Variants in ADAD1 observed in about 807,000 individuals in gnomAD.
The protein encoded by ADAD1 is adenosine deaminase domain-containing protein 1.
A neutral mutation model predicts 66.8 loss-of-function variants in ADAD1; 46 were observed. The ratio of observed to expected loss-of-function variants is 0.69; its 90% CI spans 0.54 to 0.88. ADAD1 has a LOEUF of 0.88. ADAD1 is among the 40% of genes least tolerant of loss of function. The pLI, the probability that ADAD1 is intolerant of heterozygous loss-of-function variation, is 0.00. For missense variants in ADAD1, 617 were observed against 681.8 expected, an observed-to-expected ratio of 0.91 and a Z score of 1.06; for synonymous variants, 248 against 229.4, an observed-to-expected ratio of 1.08 and a Z score of -0.73.
At chr4:122,418,306 CTTTTTTTT>C (rs10527795) in intron 11 of ADAD1, among the ~76,000 whole-genome samples, 3 of 94,654 alleles carry the variant, frequency 3.2e-5, no homozygotes, top group Admixed American at 1.4e-4. Flanking sequence ...ACGTTATTTT[CTTTTTTTT>C]TTTTTTTTTT....
At chr4:122,386,939 T>A (rs1056528661) in intron 5 of ADAD1, among the ~76,000 whole-genome samples, 3 of 152,122 alleles carry the variant, frequency 2.0e-5, no homozygotes, top group African/African-American at 4.8e-5. Flanking sequence ...GTTACTGTAT[T>A]CTTGTAGTAT....
Position 122,414,821 on chromosome 4 carries a change from T to G in ADAD1, c.1250-558T>G, listed in dbSNP as rs1356789860. 2.0e-5 allele frequency among the ~76,000 whole-genome samples: 3 copies of G among 152,302 alleles called. No individual in the cohort carries two copies. The East Asian group carries it at 5.8e-4, about 29-fold the overall frequency. ...TAACATTGCATCTTTTTGAGATCTC[T>G]CCTTCAATAATTATTATAACTGAGA... On this transcript the variant is annotated intron_variant, in intron 10 of 12. Coordinates refer to ENST00000296513, the MANE Select transcript of ADAD1 (RefSeq NM_139243.4).
intron 7 of ADAD1, among the ~76,000 whole-genome samples, chr4:122,402,415 C>G (rs1197196482): frequency 6.6e-6 from 1 of 152,126 alleles, no homozygotes; most frequent in Non-Finnish European, 1.5e-5. Flanking sequence ...TTTTTTCTCA[C>G]AGCTCTTAAG....
intron 11 of ADAD1, among the ~76,000 whole-genome samples, chr4:122,420,125 T>C (rs558423363): frequency 3.7e-4 from 57 of 152,152 alleles, no homozygotes; most frequent in Non-Finnish European, 5.6e-4. Context: ...ATCAAGAAAA[T>C]TATCAAAACC....
At chr4:122,419,790 T>A (rs992520538) in intron 11 of ADAD1, among the ~76,000 whole-genome samples, 1 of 152,220 alleles carries the variant, frequency 6.6e-6, no homozygotes, top group Admixed American at 6.5e-5. Context: ...ATCATATGTT[T>A]ATCTCTATAA....
chr4:122,422,598 G>T (rs906800347), intron 12 of ADAD1, among the ~76,000 whole-genome samples: 1 of 151,990 alleles, frequency 6.6e-6, no homozygotes, highest in African/African-American at 2.4e-5. Flanking sequence ...ATTAATTACA[G>T]GTGTATGTAT....
At chr4:122,405,850 G>T (rs748320002) in intron 7 of ADAD1, among the ~76,000 whole-genome samples, 2 of 152,014 alleles carry the variant, frequency 1.3e-5, no homozygotes, top group Non-Finnish European at 2.9e-5. Context: ...TCTGTGTCTG[G>T]CTTACTTCAC....
rs533602900 is a variant in ADAD1, at chr4:122,412,728, A to G, written c.1168A>G (p.Thr390Ala). 1 of 1,613,952 alleles carries G rather than the reference A, an allele frequency of 6.2e-7. No homozygotes were observed. Among genetic ancestry groups the G allele is most frequent in the Admixed American group, 1.7e-5 (1 of 60,012 alleles). The change falls in exon 10 of 13, where the codon ACC becomes GCC. Residue 390 changes from threonine (T) to alanine (A), a missense_variant. By Grantham distance (58) the Thr-to-Ala change is moderately conservative. Coordinates refer to ENST00000296513, the MANE Select transcript of ADAD1 (RefSeq NM_139243.4). ...ISSMSSSDKL[T>A]RWEVLGVQGA... Reference sequence around the variant, plus strand: ...CAGTATGTCCTCAAGTGACAAATTGACCAGATGGGAAGTGCTTGGTGTACA... The same window carrying G: ...CAGTATGTCCTCAAGTGACAAATTGGCCAGATGGGAAGTGCTTGGTGTACA...
intron 7 of ADAD1, 141 bp from the exon 8 acceptor site, chr4:122,407,767 T>A: frequency 2.1e-6 from 2 of 960,320 alleles, no homozygotes; most frequent in East Asian, 3.1e-5. Flanking sequence ...CTAAGACTCT[T>A]ATTTTAAATT....
chr4:122,401,901 T>C (rs1006389927), intron 7 of ADAD1, among the ~76,000 whole-genome samples: 27 of 152,130 alleles, frequency 1.8e-4, no homozygotes, highest in African/African-American at 6.3e-4. Context: ...GGTGAGTCTC[T>C]TGAAGACAGC....
At position 122,380,113 on chromosome 4, in the gene ADAD1, G is replaced by A. The variant is rs761386405; in HGVS notation, c.44G>A (p.Ser15Asn). The change falls in exon 3 of 13, where the codon AGC becomes AAC. Residue 15 changes from serine to asparagine, a missense_variant. Physicochemically the swap from Ser to Asn is conservative, Grantham distance 46 (BLOSUM62 1). Coordinates refer to ENST00000296513, the MANE Select transcript of ADAD1 (RefSeq NM_139243.4). Reference protein sequence around the residue: ...NHWFQSSQVPSFAQMLKKNLP... With the variant: ...NHWFQSSQVPNFAQMLKKNLP... ...TGGTTTCAGAGTTCGCAGGTCCCCA[G>A]CTTTGCCCAGATGCTGAAAAAGAAC... The A allele has an allele frequency of 3.1e-6, 5 of 1,614,040 alleles. No homozygotes were observed. In the Admixed American group the frequency reaches 5.0e-5, roughly 16 times the overall value.
chr4:122,423,166 T>G (rs1236287033), intron 12 of ADAD1, among the ~76,000 whole-genome samples: 1 of 152,112 alleles, frequency 6.6e-6, no homozygotes, highest in Non-Finnish European at 1.5e-5. Flanking sequence ...CAGCTTTGCT[T>G]TCAGAGGAGG....
intron 5 of ADAD1, among the ~76,000 whole-genome samples, chr4:122,388,958 C>A (rs538847028): frequency 1.3e-5 from 2 of 151,814 alleles, no homozygotes; most frequent in South Asian, 4.2e-4. Context: ...AATTGATGTT[C>A]GGGTATCAAT....
chr4:122,427,360 G>A (rs1161687596), intron 12 of ADAD1, among the ~76,000 whole-genome samples: 1 of 152,096 alleles, frequency 6.6e-6, no homozygotes, highest in African/African-American at 2.4e-5. Context: ...GGAGACCTAA[G>A]TAAATGGAGA....
At chr4:122,408,134 G>C in intron 8 of ADAD1, 103 bp downstream of exon 8, 1 of 1,247,866 alleles carries the variant, frequency 8.0e-7, no homozygotes, top group Non-Finnish European at 1.1e-6. Flanking sequence ...ATTGATCATA[G>C]AGCCAAGGAT....
intron 9 of ADAD1, 23 bp from the exon 10 acceptor site, chr4:122,412,557 G>T (rs1326861217): frequency 6.9e-6 from 11 of 1,603,576 alleles, no homozygotes; most frequent in Non-Finnish European, 9.4e-6. Context: ...TTTAAAGGAA[G>T]AAACTTTCTT....
chr4:122,411,524 G>A, intron 9 of ADAD1, 132 bp downstream of exon 9: 1 of 900,972 alleles, frequency 1.1e-6, no homozygotes, highest in Non-Finnish European at 1.6e-6. Flanking sequence ...TGTTATTTGT[G>A]GCCTGCAGGA....
intron 3 of ADAD1, 132 bp from the exon 4 acceptor site, chr4:122,380,860 G>C (rs1376478357): frequency 1.2e-6 from 1 of 829,336 alleles, no homozygotes; most frequent in Non-Finnish European, 1.8e-6. Context: ...AAATTGTTTA[G>C]TAGAAACTTA....
At chr4:122,419,358 A>G (rs1796903643) in intron 11 of ADAD1, among the ~76,000 whole-genome samples, 2 of 152,152 alleles carry the variant, frequency 1.3e-5, no homozygotes, top group Non-Finnish European at 2.9e-5. Context: ...GAGGGGAACA[A>G]CACACAGTGA....
Sources: allele counts gnomAD v4.1 joint callset (sites outside exome capture counted in the v4.1 genomes callset), GRCh38; gene constraint gnomAD v4.1.1; transcripts MANE v1.5; gene names NCBI Gene and HGNC (gene_info 2026-07-23, HGNC 2026-07-21).